ZNF438: variants seen among roughly 807,000 people sequenced by gnomAD.
ZNF438 encodes zinc finger protein 438.
ZNF438 carries 25 observed loss-of-function variants against 38.0 expected under a neutral mutation model. The ratio of observed to expected loss-of-function variants is 0.66; its 90% confidence interval spans 0.48 to 0.92. The LOEUF (loss-of-function observed/expected upper bound fraction) is 0.92, where lower values mean the gene tolerates loss of function less well. Among genes scored for constraint, ZNF438 ranks in the 40% least tolerant of loss-of-function variants. The probability of loss-of-function intolerance (pLI) is 0.00; values close to 1 mark genes in which losing one functional copy is unlikely to be tolerated. For missense variants in ZNF438, 1,007 were observed against 999.6 expected (o/e 1.01, Z -0.10); for synonymous variants, 372 against 364.1 (o/e 1.02, Z -0.25).
At chr10:30,901,240 T>C (rs1281437649) in intron 3 of ZNF438, among the ~76,000 whole-genome samples, 1 of 152,220 alleles carries the variant, frequency 6.6e-6, no homozygotes, top group African/African-American at 2.4e-5. Context: ...AGTGGAACTC[T>C]TCAGGGATCA....
At chr10:30,987,109 C>T (rs1430076678) in intron 1 of ZNF438, among the ~76,000 whole-genome samples, 1 of 152,020 alleles carries the variant, frequency 6.6e-6, no homozygotes, top group African/African-American at 2.4e-5. Context: ...AAAGATGTGA[C>T]ATTCTACCAA....
chr10:30,884,255 T>C (rs2039658916), intron 3 of ZNF438, among the ~76,000 whole-genome samples: 1 of 152,146 alleles, frequency 6.6e-6, no homozygotes, highest in South Asian at 2.1e-4. Flanking sequence ...TTTAATTCTA[T>C]TATAATTATT....
Position 30,930,388 on chromosome 10 carries a change from C to T in ZNF438, c.-115+11187G>A, listed in dbSNP as rs545188091. 3.4e-3 allele frequency among the ~76,000 whole-genome samples: 521 copies of T among 152,214 alleles called. 4 individuals are homozygous for T. Among genetic ancestry groups the T allele is most frequent in the African/African-American group, 0.011 (464 of 41,528 alleles). On this transcript the variant is annotated intron_variant, in intron 2 of 5. Coordinates refer to ENST00000413025, the Ensembl canonical transcript of ZNF438. ...TGGAACTCACACTGGCCTGCGAGTG[C>T]AGTGCGCAGCCCCGGTTCCCACCCG...
At chr10:30,980,713 C>T (rs537540156) in intron 1 of ZNF438, among the ~76,000 whole-genome samples, 1 of 152,212 alleles carries the variant, frequency 6.6e-6, no homozygotes, top group South Asian at 2.1e-4. Flanking sequence ...AACATGGGAT[C>T]ATATGAGATC....
At chr10:30,993,488 G>A (rs769024757) in intron 1 of ZNF438, among the ~76,000 whole-genome samples, 1 of 152,250 alleles carries the variant, frequency 6.6e-6, no homozygotes, top group Non-Finnish European at 1.5e-5. Context: ...CATCCACAAG[G>A]TGCTAATTCT....
intron 3 of ZNF438, among the ~76,000 whole-genome samples, chr10:30,902,134 G>A (rs1226358480): frequency 6.6e-6 from 1 of 152,126 alleles, no homozygotes; most frequent in Non-Finnish European, 1.5e-5. Flanking sequence ...CTACCTGAGA[G>A]GGTTGCCATG....
At chr10:30,948,144 C>T (rs888758245) in intron 1 of ZNF438, among the ~76,000 whole-genome samples, 22 of 151,886 alleles carry the variant, frequency 1.4e-4, no homozygotes, top group African/African-American at 5.1e-4. Context: ...GGCACACCGA[C>T]ATCTCACACG....
intron 3 of ZNF438, among the ~76,000 whole-genome samples, chr10:30,901,237 C>G (rs2041942996): frequency 1.3e-5 from 2 of 152,170 alleles, no homozygotes; most frequent in Non-Finnish European, 2.9e-5. Context: ...GCAAGTGGAA[C>G]TCTTCAGGGA....
chr10:30,986,524 T>C (rs1318611837), intron 1 of ZNF438, among the ~76,000 whole-genome samples: 1 of 152,250 alleles, frequency 6.6e-6, no homozygotes, highest in Non-Finnish European at 1.5e-5. Flanking sequence ...TTTGCAGTCA[T>C]GCACTCAGTT....
chr10:30,867,185 T>C (rs2036587568), intron 4 of ZNF438, among the ~76,000 whole-genome samples: 1 of 152,170 alleles, frequency 6.6e-6, no homozygotes, highest in African/African-American at 2.4e-5. Context: ...AAGCTGGCTT[T>C]TAAAAAAATA....
At chr10:30,998,309 G>A (rs1249544523) in intron 1 of ZNF438, among the ~76,000 whole-genome samples, 2 of 151,862 alleles carry the variant, frequency 1.3e-5, no homozygotes, top group Non-Finnish European at 2.9e-5. Flanking sequence ...GGGAGGCCGA[G>A]GCGGGTGGAT....
chr10:31,007,276 GTTTTTTTTT>G (rs60434764), intron 1 of ZNF438, among the ~76,000 whole-genome samples: 1 of 112,388 alleles, frequency 8.9e-6, no homozygotes, highest in African/African-American at 3.6e-5. Context: ...TTTTTTTGGT[GTTTTTTTTT>G]TTTTTTTTTT....
intron 1 of ZNF438, among the ~76,000 whole-genome samples, chr10:31,030,349 A>G (rs2057206204): frequency 6.6e-6 from 1 of 152,208 alleles, no homozygotes; most frequent in Non-Finnish European, 1.5e-5. Flanking sequence ...TCCCACTGCA[A>G]TATGAGCCCT....
chr10:30,867,131 C>G (rs1215832178), intron 4 of ZNF438, among the ~76,000 whole-genome samples: 2 of 152,144 alleles, frequency 1.3e-5, no homozygotes, highest in Admixed American at 6.5e-5. Flanking sequence ...CCATGATTAT[C>G]TGAAAAGCCT....
At chr10:30,935,643 A>C (rs528440267) in intron 2 of ZNF438, among the ~76,000 whole-genome samples, 170 of 152,326 alleles carry the variant, frequency 1.1e-3, no homozygotes, top group African/African-American at 4.0e-3. Flanking sequence ...CATTGCTATA[A>C]AGAAATACCA....
chr10:31,006,190 T>A (rs1426713265), intron 1 of ZNF438, among the ~76,000 whole-genome samples: 1 of 152,158 alleles, frequency 6.6e-6, no homozygotes, highest in African/African-American at 2.4e-5. Context: ...TGGCTGGCAG[T>A]CCCTGGGTAG....
Position 30,871,955 on chromosome 10 carries a change from C to A in ZNF438, c.37+5043G>T, listed in dbSNP as rs184534239. Among the ~76,000 whole-genome samples, 130 of 152,230 alleles carry A rather than the reference C, an allele frequency of 8.5e-4. 1 individual carries two copies. Among genetic ancestry groups the A allele is most frequent in the South Asian group, 3.7e-3 (18 of 4,822 alleles). On this transcript the variant is annotated intron_variant, in intron 4 of 5. Coordinates refer to ENST00000413025, the Ensembl canonical transcript of ZNF438. ...TTTTATGAAATAGAAATAACACTCA[C>A]AATTTGAAAACTACCTTTAAATAAC...
intron 1 of ZNF438, among the ~76,000 whole-genome samples, chr10:31,015,406 G>A (rs576428418): frequency 6.6e-6 from 1 of 152,294 alleles, no homozygotes; most frequent in South Asian, 2.1e-4. Flanking sequence ...CACTTTGGGA[G>A]GCAGAGGCAA....
At chr10:30,976,908 C>G (rs1328012369) in intron 1 of ZNF438, among the ~76,000 whole-genome samples, 1 of 151,968 alleles carries the variant, frequency 6.6e-6, no homozygotes, top group Non-Finnish European at 1.5e-5. Context: ...CAACTTTAAG[C>G]CTTTGAGAGA....
Sources: gnomAD v4.1 joint callset for allele counts (sites outside exome capture counted in the v4.1 genomes callset) on GRCh38, gnomAD v4.1.1 for gene constraint, MANE v1.5 for transcripts, NCBI Gene and HGNC (gene_info 2026-07-23, HGNC 2026-07-21) for gene names.